The following FAM227B variants were observed in gnomAD, a reference collection of about 807,000 sequenced individuals.
FAM227B encodes the protein family with sequence similarity 227 member B.
A neutral mutation model predicts 73.8 loss-of-function variants in FAM227B; 88 were observed. The observed-to-expected ratio is 1.19, with a 90% confidence interval of 1.00 to 1.42. The LOEUF is 1.42. FAM227B is among the 40% of genes most tolerant of loss of function. The probability of loss-of-function intolerance (pLI) is 0.00; values close to 1 mark genes in which losing one functional copy is unlikely to be tolerated. For missense variants in FAM227B, 632 were observed against 590.9 expected, an observed-to-expected ratio of 1.07 and a Z score of -0.72; for synonymous variants, 210 against 190.5, an observed-to-expected ratio of 1.10 and a Z score of -0.84.
chr15:49,368,389 T>C (rs1333916476), intron 12 of FAM227B, among the ~76,000 whole-genome samples: 3 of 152,190 alleles, frequency 2.0e-5, no homozygotes, highest in African/African-American at 4.8e-5. Flanking sequence ...TTTGTTTTCA[T>C]TTGCTTTTAT....
intron 11 of FAM227B, chr15:49,487,530 T>C (rs535335736): frequency 1.3e-5 from 2 of 151,862 alleles, no homozygotes; most frequent in East Asian, 1.9e-4. Flanking sequence ...ATTCTTAGGG[T>C]TTCTATCTCA....
At chr15:49,328,882 C>T (rs1382403569) in intron 15 of FAM227B, 2 of 1,312,446 alleles carry the variant, frequency 1.5e-6, no homozygotes, top group Non-Finnish European at 1.9e-6. Context: ...TCTTTTGGCC[C>T]TGAGCTATCT....
intron 11 of FAM227B, among the ~76,000 whole-genome samples, chr15:49,377,919 C>T (rs1219480577): frequency 6.6e-6 from 1 of 151,892 alleles, no homozygotes; most frequent in African/African-American, 2.4e-5. Context: ...GGGTGTTGCT[C>T]AAAAAAATGT....
chr15:49,537,830 A>G (rs1209541272), intron 10 of FAM227B, among the ~76,000 whole-genome samples: 1 of 152,224 alleles, frequency 6.6e-6, no homozygotes, highest in Non-Finnish European at 1.5e-5. Flanking sequence ...AAAATATTTC[A>G]TGATCTCACT....
chr15:49,513,850 G>A (rs2059190504), intron 10 of FAM227B, among the ~76,000 whole-genome samples: 1 of 152,078 alleles, frequency 6.6e-6, no homozygotes, highest in Non-Finnish European at 1.5e-5. Context: ...TATTAAATAG[G>A]GAATCCTTTC....
chr15:49,397,283 G>C lies in FAM227B; in HGVS notation c.1013-25884C>G, dbSNP rs1394759230. Among the ~76,000 whole-genome samples the C allele has an allele frequency of 3.9e-5, 6 of 152,096 alleles. No homozygotes were observed. The East Asian group carries it at 1.2e-3, about 29-fold the overall frequency. ...TGAAATGAATGAAATGAAGCAAGAA[G>C]GGAAGTTTAGAGAAAAAAGAATAAA... is the stretch of plus-strand genomic sequence containing the variant. On this transcript the variant is annotated intron_variant, in intron 11 of 15. Transcript: ENST00000299338.
chr15:49,609,322 A>T (rs2077735082), intron 3 of FAM227B, among the ~76,000 whole-genome samples: 1 of 151,888 alleles, frequency 6.6e-6, no homozygotes, highest in South Asian at 2.1e-4. Flanking sequence ...AGATAGGAAG[A>T]GGTGAAAGAG....
In FAM227B at chr15:49,367,464, T is replaced by G; in HGVS notation, c.1255A>C (p.Lys419Gln). 6.3e-7 allele frequency: 1 copy of G among 1,588,888 alleles called. No individual in the cohort carries two copies. The highest frequency in any genetic ancestry group is 1.4e-5 in the African/African-American group (1 of 73,156). The stretch of plus-strand genomic sequence containing the variant: ...AAAGGATATGGTTCCTGGAATATCT[T>G]AGTGAGTTTAATCTTGGTTTTCTTA... ...APKKTKIKLT[K>Q]IFQEPLPAPT... Residue 419 changes from lysine (K) to glutamine (Q), a missense_variant, in exon 13 of 16, where the codon AAG becomes CAG. Physicochemically the swap from Lys to Gln is moderately conservative, Grantham distance 53. Transcript: ENST00000299338.
Position 49,541,768 on chromosome 15 carries a change from C to T in FAM227B, c.786G>A (p.Thr262=), listed in dbSNP as rs748385874. ...PDCLAQAIYA[T]FHEAFPESSY... ...TCGATTCTGGAAATGCTTCATGGAA[C>T]GTTGCATATATGGCTTGTGCCAAAC... Residue 262 remains threonine, a synonymous_variant, in exon 10 of 16, where the codon ACG becomes ACA. Transcript: ENST00000299338. 135 of 1,536,680 alleles carry T rather than the reference C, an allele frequency of 8.8e-5. 2 individuals carry two copies. In the South Asian group the frequency reaches 1.2e-3, roughly 14 times the overall value.
At chr15:49,372,743 T>A (rs1438004694) in intron 11 of FAM227B, among the ~76,000 whole-genome samples, 1 of 152,160 alleles carries the variant, frequency 6.6e-6, no homozygotes, top group Non-Finnish European at 1.5e-5. Context: ...AGAGGTTTGT[T>A]CTAGACTCTG....
At chr15:49,521,348 A>G (rs556082712) in intron 10 of FAM227B, among the ~76,000 whole-genome samples, 1 of 152,268 alleles carries the variant, frequency 6.6e-6, no homozygotes, top group African/African-American at 2.4e-5. Flanking sequence ...CCTTTGAAAC[A>G]AAGGAAACAT....
chr15:49,366,489 T>A (rs1010407758), intron 13 of FAM227B: 5 of 1,173,424 alleles, frequency 4.3e-6, no homozygotes, highest in Non-Finnish European at 6.4e-6. Context: ...GAAGTCAGAT[T>A]CATCAAACTA....
At chr15:49,538,482 C>T (rs374520823) in intron 10 of FAM227B, among the ~76,000 whole-genome samples, 2 of 152,080 alleles carry the variant, frequency 1.3e-5, no homozygotes, top group East Asian at 3.9e-4. Context: ...ACTTTGGGTC[C>T]CCAGGGGGTG....
At chr15:49,606,278 T>G (rs1354486456) in intron 3 of FAM227B, 2 of 152,162 alleles carry the variant, frequency 1.3e-5, no homozygotes, top group Non-Finnish European at 2.9e-5. Flanking sequence ...TAAGTATTTT[T>G]TTTTTTACTT....
intron 11 of FAM227B, among the ~76,000 whole-genome samples, chr15:49,441,807 T>A (rs1020698091): frequency 6.6e-6 from 1 of 151,780 alleles, no homozygotes; most frequent in Admixed American, 6.6e-5. Flanking sequence ...AAATGTATTA[T>A]CTCATTGAAT....
chr15:49,389,883 T>C lies in FAM227B; in HGVS notation c.1013-18484A>G, dbSNP rs555308228. Among the ~76,000 whole-genome samples the C allele has an allele frequency of 2.0e-5, 3 of 152,138 alleles. No homozygotes were observed. In the East Asian group the frequency reaches 5.8e-4, roughly 29 times the overall value. On this transcript the variant is annotated intron_variant, in intron 11 of 15. Coordinates refer to ENST00000299338, the MANE Select transcript of FAM227B (RefSeq NM_152647.3). ...GAACCATTTTTACCAGCTTTTGCCTTGTCTTTATGCCCTTGGTCAACATCG... is the reference window on the plus strand; with the variant it reads ...GAACCATTTTTACCAGCTTTTGCCTCGTCTTTATGCCCTTGGTCAACATCG...
At chr15:49,502,123 C>T (rs2058186897) in intron 11 of FAM227B, among the ~76,000 whole-genome samples, 1 of 152,170 alleles carries the variant, frequency 6.6e-6, no homozygotes, top group Admixed American at 6.5e-5. Context: ...GGGGCAGAGC[C>T]CTCATAGATA....
rs570386197 is a variant in FAM227B, at chr15:49,456,761, T to C, written c.1012+51450A>G. Among the ~76,000 whole-genome samples the C allele has an allele frequency of 9.1e-4, 138 of 152,146 alleles. 5 individuals are homozygous for C. The South Asian group carries it at 0.027, about 30-fold the overall frequency. On this transcript the variant is annotated intron_variant, in intron 11 of 15. Coordinates refer to ENST00000299338, the MANE Select transcript of FAM227B (RefSeq NM_152647.3). ...GGAACTTGAGTCTCACTTTGAAAGA[T>C]GAACAGGGTATTGACAGGTGATGGG...
chr15:49,442,993 C>T (rs1038328875), intron 11 of FAM227B, among the ~76,000 whole-genome samples: 2 of 151,686 alleles, frequency 1.3e-5, no homozygotes, highest in African/African-American at 4.8e-5. Context: ...TGCTGTATTG[C>T]ATCTCACAAA....
Sources: gnomAD v4.1 joint callset for allele counts (sites outside exome capture counted in the v4.1 genomes callset) on GRCh38, gnomAD v4.1.1 for gene constraint, MANE v1.5 for transcripts, NCBI Gene and HGNC (gene_info 2026-07-23, HGNC 2026-07-21) for gene names.